Variants in SGCD observed in about 807,000 individuals in gnomAD.
The protein encoded by SGCD is sarcoglycan delta, also known as delta-sarcoglycan.
A neutral mutation model predicts 36.6 loss-of-function variants in SGCD; 18 were observed. That is an observed-to-expected ratio of 0.49 (90% CI 0.34 to 0.73). The LOEUF is 0.73. SGCD is among the 30% of genes least tolerant of loss of function. The probability of loss-of-function intolerance (pLI) is 0.01; values close to 1 mark genes in which losing one functional copy is unlikely to be tolerated. For missense variants in SGCD, 387 were observed against 346.7 expected, an observed-to-expected ratio of 1.12 and a Z score of -0.92; for synonymous variants, 133 against 130.6, an observed-to-expected ratio of 1.02 and a Z score of -0.12.
intron 1 of SGCD, among the ~76,000 whole-genome samples, chr5:155,967,418 T>G (rs1304485558): frequency 1.3e-5 from 2 of 152,046 alleles, no homozygotes; most frequent in African/African-American, 4.8e-5. Flanking sequence ...TGCTCCATTA[T>G]TGCATGGGCC....
At chr5:156,438,586 C>T (rs1753349234) in intron 3 of SGCD, among the ~76,000 whole-genome samples, 1 of 152,146 alleles carries the variant, frequency 6.6e-6, no homozygotes, top group South Asian at 2.1e-4. Flanking sequence ...TCCTCCAGCT[C>T]ATGCTGTTCT....
chr5:156,438,752 C>T (rs1753361856), intron 3 of SGCD, among the ~76,000 whole-genome samples: 1 of 152,082 alleles, frequency 6.6e-6, no homozygotes, highest in Admixed American at 6.6e-5. Flanking sequence ...GTCTTTTGTA[C>T]CTTCTATGGC....
At chr5:155,942,346 C>CTATCTATCTATCTATCTATT (rs1324353431) in intron 1 of SGCD, among the ~76,000 whole-genome samples, 4 of 151,672 alleles carry the variant, frequency 2.6e-5, no homozygotes, top group African/African-American at 9.7e-5. Context: ...ATCTATCTAT[C>CTATCTATCTATCTATCTATT]TATCTATCTA....
intron 1 of SGCD, among the ~76,000 whole-genome samples, chr5:156,095,229 C>A (rs1761346904): frequency 6.6e-6 from 1 of 152,154 alleles, no homozygotes. Flanking sequence ...CTACGCAAAT[C>A]TCACCACATA....
At chr5:156,708,543 C>G (rs1481417994) in intron 7 of SGCD, among the ~76,000 whole-genome samples, 3 of 152,160 alleles carry the variant, frequency 2.0e-5, no homozygotes, top group Non-Finnish European at 4.4e-5. Flanking sequence ...GAGCATCAGT[C>G]TTACTTGAAG....
chr5:156,056,659 A>AAAAAAC (rs1760071685), intron 1 of SGCD, among the ~76,000 whole-genome samples: 3 of 141,890 alleles, frequency 2.1e-5, no homozygotes, highest in African/African-American at 7.7e-5. Flanking sequence ...AAAAAAAAAA[A>AAAAAAC]AAAAAACAGT....
chr5:156,751,800 GAAC>G (rs991854083), intron 7 of SGCD, among the ~76,000 whole-genome samples: 1 of 152,196 alleles, frequency 6.6e-6, no homozygotes, highest in Non-Finnish European at 1.5e-5. Context: ...GCAAGAAAGT[GAAC>G]AACTGGAACA....
At chr5:155,893,854 G>A (rs115428517) in intron 1 of SGCD, among the ~76,000 whole-genome samples, 55 of 152,290 alleles carry the variant, frequency 3.6e-4, no homozygotes, top group Non-Finnish European at 7.1e-4. Context: ...TATTACATGC[G>A]TAGGCAATAT....
intron 3 of SGCD, among the ~76,000 whole-genome samples, chr5:156,429,576 G>T (rs1034372664): frequency 1.8e-4 from 25 of 141,632 alleles, no homozygotes; most frequent in South Asian, 4.5e-4. Flanking sequence ...AAATAGTTTG[G>T]TTTTTTTTTT....
chr5:156,595,383 G>A (rs568603509), intron 6 of SGCD, among the ~76,000 whole-genome samples: 1 of 152,254 alleles, frequency 6.6e-6, no homozygotes, highest in African/African-American at 2.4e-5. Context: ...CAGACTTTAA[G>A]CCTCCAGAAC....
chr5:156,269,182 T>C (rs886902845), intron 3 of SGCD, among the ~76,000 whole-genome samples: 3 of 151,590 alleles, frequency 2.0e-5, no homozygotes, highest in East Asian at 3.9e-4. Flanking sequence ...ACCCATCAGA[T>C]CTCTACTGGG....
intron 6 of SGCD, among the ~76,000 whole-genome samples, chr5:156,629,235 T>C (rs1045966945): frequency 6.6e-6 from 1 of 152,134 alleles, no homozygotes. Flanking sequence ...GCAAAAACAA[T>C]GTTAAAAAAA....
rs527959674 is a variant in SGCD at position 156,610,942 on chromosome 5, C to A, written c.502+15891C>A. Among the ~76,000 whole-genome samples the A allele has an allele frequency of 1.8e-3, 271 of 152,346 alleles. 2 individuals carry two copies. Among genetic ancestry groups the A allele is most frequent in the African/African-American group, 6.3e-3 (264 of 41,584 alleles). ...CTGATTTTCCAGTTGCTGCCTGTCA[C>A]CCCTTTCTTTGACTAGGAAAGGGAA... is the stretch of plus-strand genomic sequence containing the variant. On this transcript the variant is annotated intron_variant, in intron 6 of 8. Coordinates refer to ENST00000337851, the MANE Select transcript of SGCD (RefSeq NM_000337.6).
chr5:155,808,994 G>A, the SGCD span, among the ~76,000 whole-genome samples: 3 of 152,204 alleles, frequency 2.0e-5, no homozygotes, highest in Admixed American at 6.5e-5. Flanking sequence ...GCTACTGCCA[G>A]TCAACGTCTT....
At chr5:156,173,505 G>A (rs1414401248) in intron 3 of SGCD, among the ~76,000 whole-genome samples, 1 of 152,028 alleles carries the variant, frequency 6.6e-6, no homozygotes, top group Non-Finnish European at 1.5e-5. Context: ...GGAAAATAAT[G>A]ATCATTTTTC....
intron 1 of SGCD, among the ~76,000 whole-genome samples, chr5:155,994,626 C>G (rs917129867): frequency 3.9e-5 from 6 of 152,332 alleles, no homozygotes; most frequent in East Asian, 1.9e-4. Flanking sequence ...AAACAACCAC[C>G]TGACTTTTCC....
At chr5:155,973,054 T>A (rs1010416407) in intron 1 of SGCD, among the ~76,000 whole-genome samples, 4 of 152,180 alleles carry the variant, frequency 2.6e-5, no homozygotes, top group Admixed American at 2.6e-4. Flanking sequence ...TATAGACAAA[T>A]GTGTCAATCT....
intron 3 of SGCD, among the ~76,000 whole-genome samples, chr5:156,217,184 A>T (rs981147459): frequency 6.6e-6 from 1 of 152,252 alleles, no homozygotes; most frequent in South Asian, 2.1e-4. Flanking sequence ...ACAACAGGGT[A>T]CGTGACTCTT....
chr5:155,817,432 A>T, the SGCD span, among the ~76,000 whole-genome samples: 4 of 151,704 alleles, frequency 2.6e-5, no homozygotes, highest in Admixed American at 6.6e-5. Context: ...CAATAGGTTT[A>T]ATTACTAGAA....
Sources: gnomAD v4.1 joint callset for allele counts (sites outside exome capture counted in the v4.1 genomes callset) on GRCh38, gnomAD v4.1.1 for gene constraint, MANE v1.5 for transcripts, NCBI Gene and HGNC (gene_info 2026-07-23, HGNC 2026-07-21) for gene names.